The following TMEM170B variants were observed in gnomAD, a reference collection of about 807,000 sequenced individuals.
TMEM170B encodes transmembrane protein 170B.
A neutral mutation model predicts 13.0 loss-of-function variants in TMEM170B; 6 were observed. The ratio of observed to expected loss-of-function variants is 0.46; its 90% CI spans 0.25 to 0.91. The LOEUF (loss-of-function observed/expected upper bound fraction) is 0.91. Ranked by LOEUF, TMEM170B falls within the 40% of genes least tolerant of loss-of-function variation. The pLI is 0.17. For synonymous variants in TMEM170B, 61 were observed against 64.9 expected (o/e 0.94, Z 0.29); for missense variants, 138 against 165.2 (o/e 0.84, Z 0.90).
At chr6:11,572,802 T>A (rs1272991137) in intron 2 of TMEM170B, among the ~76,000 whole-genome samples, 1 of 152,180 alleles carries the variant, frequency 6.6e-6, no homozygotes, top group Non-Finnish European at 1.5e-5. Flanking sequence ...ACATACCGCA[T>A]ACATACACAC....
At chr6:11,541,899 A>G (rs183306908) in intron 1 of TMEM170B, among the ~76,000 whole-genome samples, 1 of 152,308 alleles carries the variant, frequency 6.6e-6, no homozygotes, top group African/African-American at 2.4e-5. Flanking sequence ...AGACTGAGGA[A>G]TGGCTGGTTG....
intron 2 of TMEM170B, among the ~76,000 whole-genome samples, chr6:11,567,250 G>A (rs558287810): frequency 6.0e-5 from 9 of 150,478 alleles, no homozygotes; most frequent in South Asian, 2.1e-4. Context: ...GCCAGGAACC[G>A]GGTGCCTCTC....
intron 1 of TMEM170B, among the ~76,000 whole-genome samples, chr6:11,561,112 C>T (rs1352619049): frequency 1.3e-5 from 2 of 152,108 alleles, no homozygotes; most frequent in Non-Finnish European, 2.9e-5. Flanking sequence ...GAAATGTTAC[C>T]AAAGGAATTT....
At chr6:11,557,211 C>G (rs2113771773) in intron 1 of TMEM170B, among the ~76,000 whole-genome samples, 1 of 152,296 alleles carries the variant, frequency 6.6e-6, no homozygotes, top group Admixed American at 6.5e-5. Flanking sequence ...CACTAATGAG[C>G]TAAGGAAAAG....
chr6:11,574,470 C>T (rs376982182), intron 2 of TMEM170B, among the ~76,000 whole-genome samples: 8 of 151,972 alleles, frequency 5.3e-5, no homozygotes, highest in Non-Finnish European at 1.0e-4. Context: ...AGTAGGTTTC[C>T]GTCTTAATTG....
intron 1 of TMEM170B, among the ~76,000 whole-genome samples, chr6:11,551,048 A>G (rs1413256171): frequency 3.3e-5 from 5 of 152,202 alleles, no homozygotes; most frequent in Admixed American, 2.0e-4. Context: ...GTTCTGGCTC[A>G]GGGTCTTACA....
At chr6:11,556,919 A>G (rs1050337910) in intron 1 of TMEM170B, among the ~76,000 whole-genome samples, 5 of 152,146 alleles carry the variant, frequency 3.3e-5, no homozygotes, top group African/African-American at 1.2e-4. Context: ...CCGCAGGCCT[A>G]TACCACCAGT....
At chr6:11,549,147 C>G (rs770480153) in intron 1 of TMEM170B, among the ~76,000 whole-genome samples, 39 of 152,066 alleles carry the variant, frequency 2.6e-4, no homozygotes, top group Non-Finnish European at 1.6e-4. Flanking sequence ...ATTGTAGTAT[C>G]AGATGAATAA....
rs1759980685 is a variant in TMEM170B at position 11,583,133 on chromosome 6, CTTTA to C, written c.*7576_*7579del. On this transcript the variant is annotated 3_prime_UTR_variant, in exon 3 of 3. Transcript: ENST00000379426. Reference sequence around the variant, plus strand: ...ATCAGTTTAGCCTAGAGATGTTGATCTTTATTTTAAATTATTTTTCACCATTCTC... The same window carrying C: ...ATCAGTTTAGCCTAGAGATGTTGATCTTTTAAATTATTTTTCACCATTCTC... The C allele has an allele frequency of 6.6e-6, 1 of 152,040 alleles. No individual in the cohort carries two copies. Among genetic ancestry groups the C allele is most frequent in the Non-Finnish European group, 1.5e-5 (1 of 67,986 alleles). The allele number at this position is 152,040 out of a possible 1,614,324, so 9.4% of individuals were successfully genotyped here.
At chr6:11,548,522 C>T (rs186296084) in intron 1 of TMEM170B, among the ~76,000 whole-genome samples, 1 of 152,284 alleles carries the variant, frequency 6.6e-6, no homozygotes, top group East Asian at 1.9e-4. Context: ...GTGGCGATTC[C>T]TCAGGGATCT....
chr6:11,574,441 T>C (rs1052890735), intron 2 of TMEM170B, among the ~76,000 whole-genome samples: 1 of 152,118 alleles, frequency 6.6e-6, no homozygotes, highest in African/African-American at 2.4e-5. Flanking sequence ...CAAGTAAAAA[T>C]TATATTCTAA....
At chr6:11,548,147 A>T (rs1227427557) in intron 1 of TMEM170B, among the ~76,000 whole-genome samples, 2 of 152,222 alleles carry the variant, frequency 1.3e-5, no homozygotes, top group Admixed American at 1.3e-4. Flanking sequence ...TGAACAGGCA[A>T]CCTACAGAAT....
Position 11,538,219 on chromosome 6 carries a change from C to CGCA in TMEM170B, c.-56_-54dup, listed in dbSNP as rs1482482747. ...GCACCCGCCGCCGCCCCCCGAGCCTCGCAGCCGCCGCCGCCGCCCGGCACC... is the reference window on the plus strand; with the variant it reads ...GCACCCGCCGCCGCCCCCCGAGCCTCGCAGCAGCCGCCGCCGCCGCCCGGCACC... On this transcript the variant is annotated 5_prime_UTR_variant, in exon 1 of 3. Transcript: ENST00000379426. The CGCA allele has an allele frequency of 1.0e-6, 1 of 967,638 alleles. No individual in the cohort carries two copies. Among genetic ancestry groups the CGCA allele is most frequent in the Non-Finnish European group, 1.3e-6 (1 of 766,636 alleles). 59.9% of individuals were successfully genotyped at this position (967,638 alleles called of 1,614,324 possible).
At position 11,565,598 on chromosome 6, in the gene TMEM170B, CTGTT is replaced by C; in HGVS notation, c.98-63_98-60del. 2.6e-6 allele frequency: 4 copies of C among 1,563,584 alleles called. No homozygotes were observed. The South Asian group carries it at 3.4e-5, about 13-fold the overall frequency. The stretch of plus-strand genomic sequence containing the variant: ...TAACCTCCCAAACCATAGGTGCTCA[CTGTT>C]TGTTAAATTGAATTTTCTAAGTTGT... On this transcript the variant is annotated intron_variant, in intron 1 of 2. Transcript: ENST00000379426.
At chr6:11,559,585 C>T (rs987899125) in intron 1 of TMEM170B, among the ~76,000 whole-genome samples, 3 of 152,136 alleles carry the variant, frequency 2.0e-5, no homozygotes, top group East Asian at 3.9e-4. Context: ...TATATTTTGC[C>T]GACCCTTGAT....
In TMEM170B at chr6:11,575,386, A is replaced by G; in HGVS notation, c.269-45A>G. 2 of 1,611,632 alleles carry G rather than the reference A, an allele frequency of 1.2e-6. No individual in the cohort carries two copies. The highest frequency in any genetic ancestry group is 1.7e-6 in the Non-Finnish European group (2 of 1,178,392). On this transcript the variant is annotated intron_variant, in intron 2 of 2. Transcript: ENST00000379426. This position sits in a 1 kb window ranked among gnomAD's most constrained non-coding sequence, Gnocchi z 4.1. ...AAGGTGCAGCATGCAGTGTGTTATAAAACGAGTGACTGTATCCCTTCATTT... is the reference window on the plus strand; with the variant it reads ...AAGGTGCAGCATGCAGTGTGTTATAGAACGAGTGACTGTATCCCTTCATTT...
chr6:11,557,506 A>T (rs11962387), intron 1 of TMEM170B, among the ~76,000 whole-genome samples: 14,421 of 152,094 alleles, frequency 0.095, 787 homozygotes, highest in African/African-American at 0.14. Flanking sequence ...CCCAGAAATT[A>T]AAAAAAAGGA....
chr6:11,555,264 A>G (rs925849026), intron 1 of TMEM170B, among the ~76,000 whole-genome samples: 3 of 151,408 alleles, frequency 2.0e-5, no homozygotes, highest in Non-Finnish European at 2.9e-5. Context: ...TACTTTTTAT[A>G]TTTGTTCCAC....
chr6:11,550,389 T>C (rs577834487), intron 1 of TMEM170B, among the ~76,000 whole-genome samples: 3 of 152,106 alleles, frequency 2.0e-5, no homozygotes, highest in African/African-American at 7.2e-5. Context: ...GTCAGGCTGG[T>C]CTCGAACTCC....
Sources: gnomAD v4.1 joint callset for allele counts (sites outside exome capture counted in the v4.1 genomes callset) on GRCh38, gnomAD v4.1.1 for gene constraint, Gnocchi (gnomAD v3.1) non-coding constraint, MANE v1.5 for transcripts, NCBI Gene and HGNC (gene_info 2026-07-23, HGNC 2026-07-21) for gene names.